Variants in ACTL8 observed in about 807,000 individuals in gnomAD.
ACTL8 encodes actin-like protein 8.
ACTL8 carries 3 observed loss-of-function variants against 9.3 expected under a neutral mutation model. The observed-to-expected ratio is 0.32, with a 90% CI of 0.15 to 0.83. The LOEUF is 0.83. Among genes scored for constraint, ACTL8 ranks in the 40% least tolerant of loss-of-function variants. The pLI is 0.57. For missense variants in ACTL8, 381 were observed against 492.2 expected, an observed-to-expected ratio of 0.77 and a Z score of 2.14; for synonymous variants, 224 against 205.9, an observed-to-expected ratio of 1.09 and a Z score of -0.75.
At chr1:17,774,293 C>T (rs1176267178) in intron 1 of ACTL8, among the ~76,000 whole-genome samples, 1 of 152,112 alleles carries the variant, frequency 6.6e-6, no homozygotes, top group African/African-American at 2.4e-5. Flanking sequence ...AGCTGAACAG[C>T]TAGGCGCCCT....
At chr1:17,793,577 T>A (rs951419326) in intron 1 of ACTL8, among the ~76,000 whole-genome samples, 1 of 152,206 alleles carries the variant, frequency 6.6e-6, no homozygotes, top group African/African-American at 2.4e-5. Context: ...TCACATCTCA[T>A]CTAAAGCACT....
intron 1 of ACTL8, among the ~76,000 whole-genome samples, chr1:17,822,254 C>T (rs1322243030): frequency 2.6e-5 from 3 of 115,384 alleles, no homozygotes; most frequent in Non-Finnish European, 3.8e-5. Context: ...GTAATCTTAC[C>T]CCCTGTGCCT....
At chr1:17,814,841 T>G (rs1181728890) in intron 1 of ACTL8, among the ~76,000 whole-genome samples, 2 of 151,990 alleles carry the variant, frequency 1.3e-5, no homozygotes, top group Non-Finnish European at 2.9e-5. Context: ...AGACTCCATA[T>G]CTACCAACAA....
intron 1 of ACTL8, among the ~76,000 whole-genome samples, chr1:17,775,286 G>C (rs1167711459): frequency 6.6e-6 from 1 of 152,176 alleles, no homozygotes; most frequent in African/African-American, 2.4e-5. Context: ...CCCAGGAATA[G>C]CCTGCAGAGG....
At chr1:17,774,957 G>T (rs2066108870) in intron 1 of ACTL8, among the ~76,000 whole-genome samples, 1 of 152,196 alleles carries the variant, frequency 6.6e-6, no homozygotes, top group Non-Finnish European at 1.5e-5. Flanking sequence ...TCATTTACCT[G>T]ATTCCTAGAC....
intron 1 of ACTL8, among the ~76,000 whole-genome samples, chr1:17,802,765 T>C (rs1454686503): frequency 6.6e-6 from 1 of 152,060 alleles, no homozygotes; most frequent in African/African-American, 2.4e-5. Context: ...GGCAGATCAC[T>C]TGAGGTCAGG....
At chr1:17,773,193 C>A (rs2102679371) in intron 1 of ACTL8, among the ~76,000 whole-genome samples, 1 of 152,284 alleles carries the variant, frequency 6.6e-6, no homozygotes, top group Non-Finnish European at 1.5e-5. Context: ...AGAAGCAGAG[C>A]TTTTCTTTGT....
At chr1:17,789,757 G>T (rs1213802859) in intron 1 of ACTL8, among the ~76,000 whole-genome samples, 1 of 152,030 alleles carries the variant, frequency 6.6e-6, no homozygotes, top group Non-Finnish European at 1.5e-5. Flanking sequence ...GTGCCTAGAG[G>T]TGGGAGAAAG....
intron 1 of ACTL8, among the ~76,000 whole-genome samples, chr1:17,787,670 AT>A (rs71018040): frequency 0.092 from 13,341 of 145,072 alleles, 967 homozygotes; most frequent in East Asian, 0.26. Context: ...TTCATTTCTC[AT>A]TTTTTTTTTT....
chr1:17,823,510 A>G lies in ACTL8; in HGVS notation c.348+154A>G, dbSNP rs2053682994. On this transcript the variant is annotated intron_variant, in intron 2 of 2. Transcript: ENST00000375406. This position sits in a 1 kb window ranked among gnomAD's most constrained non-coding sequence, Gnocchi z 5.3. ...GTAATCCCAACACTTTGGGACTCCC[A>G]GGCAGGCAGATTGCTTGAGCCCAGG... Among the ~76,000 whole-genome samples the G allele has an allele frequency of 6.6e-6, 1 of 152,154 alleles. No individual in the cohort carries two copies. The highest frequency in any genetic ancestry group is 2.1e-4 in the South Asian group (1 of 4,826).
At chr1:17,824,867 T>G (rs2124196953) in intron 2 of ACTL8, among the ~76,000 whole-genome samples, 1 of 152,058 alleles carries the variant, frequency 6.6e-6, no homozygotes, top group South Asian at 2.1e-4. Flanking sequence ...AAGAGGACCT[T>G]GGCTGCTATT....
rs114899155 is a variant in ACTL8, at chr1:17,825,919, C to T, written c.501C>T (p.Pro167=). 1,772 of 1,612,726 alleles carry T rather than the reference C, an allele frequency of 1.1e-3. 3 individuals carry two copies. The highest frequency in any genetic ancestry group is 2.3e-3 in the Admixed American group (140 of 60,032). Residue 167 remains proline, a synonymous_variant, in exon 3 of 3, where the codon CCC becomes CCT. Transcript: ENST00000375406. ...CTTTCCACCAGGGCCGCCCCTTGCC[C>T]GCCAGCGGCAAGACGCTGGAGTTCG... The part of the protein sequence containing the change: ...VQPFHQGRPL[P]ASGKTLEFAG...
At chr1:17,791,525 A>T (rs1043128975) in intron 1 of ACTL8, among the ~76,000 whole-genome samples, 2 of 152,168 alleles carry the variant, frequency 1.3e-5, no homozygotes, top group Non-Finnish European at 2.9e-5. Flanking sequence ...CTTTATTTTG[A>T]GTCAGCTCAA....
intron 1 of ACTL8, among the ~76,000 whole-genome samples, chr1:17,793,396 A>C (rs1463466032): frequency 6.6e-6 from 1 of 152,176 alleles, no homozygotes; most frequent in East Asian, 1.9e-4. Context: ...GAGGAGTCTT[A>C]ATGCTTTATG....
At chr1:17,804,269 A>G (rs2066342745) in intron 1 of ACTL8, among the ~76,000 whole-genome samples, 1 of 152,018 alleles carries the variant, frequency 6.6e-6, no homozygotes, top group East Asian at 1.9e-4. Context: ...ACACGAGCAA[A>G]TGGGTCTTTG....
chr1:17,789,356 C>A (rs2066220994), intron 1 of ACTL8, among the ~76,000 whole-genome samples: 1 of 152,220 alleles, frequency 6.6e-6, no homozygotes, highest in Admixed American at 6.5e-5. Context: ...CTCCTTCTCA[C>A]ATATCACCCC....
rs74744709 is a variant in ACTL8, at chr1:17,767,175, C to T, written c.-25+11671C>T. On this transcript the variant is annotated intron_variant, in intron 1 of 2. Transcript: ENST00000375406. This position sits in a 1 kb window ranked among gnomAD's most constrained non-coding sequence, Gnocchi z 4.7. ...AGAAGGGGTTCCAGGCAGAGAGCAGCGTCTGCAAAGGCCCTGCGGTGGGAC... is the reference window on the plus strand; with the variant it reads ...AGAAGGGGTTCCAGGCAGAGAGCAGTGTCTGCAAAGGCCCTGCGGTGGGAC... Among the ~76,000 whole-genome samples, 281 of 152,182 alleles carry T rather than the reference C, an allele frequency of 1.8e-3. No individual in the cohort carries two copies. Among genetic ancestry groups the T allele is most frequent in the African/African-American group, 6.0e-3 (251 of 41,530 alleles).
chr1:17,789,819 T>G (rs1021634456), intron 1 of ACTL8, among the ~76,000 whole-genome samples: 1 of 152,090 alleles, frequency 6.6e-6, no homozygotes, highest in African/African-American at 2.4e-5. Flanking sequence ...GACCATACCG[T>G]TGTTATAGGA....
intron 1 of ACTL8, among the ~76,000 whole-genome samples, chr1:17,798,416 G>C (rs963018116): frequency 6.6e-6 from 1 of 152,190 alleles, no homozygotes; most frequent in Non-Finnish European, 1.5e-5. Context: ...GGGAGTAAGA[G>C]TAGGTGATGG....
Sources: gnomAD v4.1 joint callset for allele counts (sites outside exome capture counted in the v4.1 genomes callset) on GRCh38, gnomAD v4.1.1 for gene constraint, Gnocchi (gnomAD v3.1) non-coding constraint, MANE v1.5 for transcripts, NCBI Gene and HGNC (gene_info 2026-07-23, HGNC 2026-07-21) for gene names.